The following CDH13 variants were observed in gnomAD, a reference collection of about 807,000 sequenced individuals.
The protein encoded by CDH13 is cadherin 13, also known as cadherin-13.
A neutral mutation model predicts 63.8 loss-of-function variants in CDH13; 24 were observed. That is an observed-to-expected ratio of 0.38 (90% CI 0.27 to 0.53). The LOEUF (loss-of-function observed/expected upper bound fraction) is 0.53, where lower values mean the gene tolerates loss of function less well. CDH13 is among the 20% of genes least tolerant of loss of function. The pLI is 0.85. For missense variants in CDH13, 1,049 were observed against 903.1 expected, an observed-to-expected ratio of 1.16 and a Z score of -2.07; for synonymous variants, 503 against 355.3, an observed-to-expected ratio of 1.42 and a Z score of -4.67.
chr16:83,495,576 G>GT (rs879703468), intron 7 of CDH13, among the ~76,000 whole-genome samples: 1 of 152,146 alleles, frequency 6.6e-6, no homozygotes, highest in Admixed American at 6.6e-5. Flanking sequence ...ACAAAATATA[G>GT]TTTTTTTCCC....
rs186183629 is a variant in CDH13, at chr16:83,225,793, T to C, written c.636+8296T>C. Among the ~76,000 whole-genome samples the C allele has an allele frequency of 3.1e-3, 478 of 152,314 alleles. 6 individuals carry two copies. Among genetic ancestry groups the C allele is most frequent in the African/African-American group, 0.011 (446 of 41,552 alleles). On this transcript the variant is annotated intron_variant, in intron 5 of 13. Coordinates refer to ENST00000567109, the MANE Select transcript of CDH13 (RefSeq NM_001257.5). ...TAAAATTCTCCAAGTTTTTCCATTG[T>C]GAAGCCAAGTTTGAGAAACTGTTGT...
Position 82,929,651 on chromosome 16 carries a change from C to CAAAAAAAAAAAAAAAAAAAAAAAAA in CDH13, c.157+71186_157+71210dup, listed in dbSNP as rs71146097. On this transcript the variant is annotated intron_variant, in intron 2 of 13. Transcript: ENST00000567109. ...TGGGGGACAGAGTGAGACTCCATCT[C>CAAAAAAAAAAAAAAAAAAAAAAAAA]AAAAAAAAAAAAAAAAAAAAAAAAA... 1.1e-4 allele frequency among the ~76,000 whole-genome samples: 5 copies of CAAAAAAAAAAAAAAAAAAAAAAAAA among 44,280 alleles called. 1 individual carries two copies. Among genetic ancestry groups the CAAAAAAAAAAAAAAAAAAAAAAAAA allele is most frequent in the African/African-American group, 4.3e-4 (3 of 6,958 alleles). 29.0% of individuals were successfully genotyped at this position (44,280 alleles called of 152,430 possible).
intron 6 of CDH13, among the ~76,000 whole-genome samples, chr16:83,353,652 G>T (rs912115862): frequency 6.6e-6 from 1 of 152,228 alleles, no homozygotes; most frequent in Non-Finnish European, 1.5e-5. Context: ...CTGGAGATCA[G>T]CTCAAGAGAT....
chr16:82,793,894 G>A (rs1429632993), intron 1 of CDH13, among the ~76,000 whole-genome samples: 1 of 152,118 alleles, frequency 6.6e-6, no homozygotes, highest in Non-Finnish European at 1.5e-5. Flanking sequence ...GGGACAGGCT[G>A]GGGCAGTAGG....
chr16:83,285,985 T>C (rs889726), intron 5 of CDH13, among the ~76,000 whole-genome samples: 151,462 of 152,302 alleles, frequency 0.99, 75,324 homozygotes, highest in Non-Finnish European at 1. Context: ...CACTTTCTGT[T>C]CCAGGTTTCA....
At chr16:83,066,785 A>C (rs764423990) in intron 3 of CDH13, among the ~76,000 whole-genome samples, 2 of 152,274 alleles carry the variant, frequency 1.3e-5, no homozygotes, top group African/African-American at 4.8e-5. Context: ...CTCAAAGTCC[A>C]CATGGTCAGC....
At chr16:82,990,183 A>G (rs1240160735) in intron 2 of CDH13, 1 of 152,300 alleles carries the variant, frequency 6.6e-6, no homozygotes, top group South Asian at 2.1e-4. Context: ...GCCAACTGCC[A>G]ATCATTCTAG....
intron 6 of CDH13, among the ~76,000 whole-genome samples, chr16:83,461,589 C>A (rs991169091): frequency 6.6e-6 from 1 of 152,152 alleles, no homozygotes; most frequent in Non-Finnish European, 1.5e-5. Context: ...TCAAAAGGAG[C>A]CTTCTGTACA....
chr16:83,437,121 G>C (rs1390902936), intron 6 of CDH13, among the ~76,000 whole-genome samples: 1 of 151,982 alleles, frequency 6.6e-6, no homozygotes, highest in Non-Finnish European at 1.5e-5. Context: ...TTATGGATTT[G>C]ATTCTGACAT....
chr16:83,390,393 G>A (rs571902439), intron 6 of CDH13, among the ~76,000 whole-genome samples: 5 of 152,162 alleles, frequency 3.3e-5, no homozygotes, highest in East Asian at 1.9e-4. Flanking sequence ...GTTAAGTCCC[G>A]GGGCCCTGGA....
At chr16:83,591,062 C>T (rs983097383) in intron 7 of CDH13, among the ~76,000 whole-genome samples, 1 of 152,020 alleles carries the variant, frequency 6.6e-6, no homozygotes, top group Non-Finnish European at 1.5e-5. Flanking sequence ...AGGCACCTGC[C>T]ACCACACCCA....
intron 2 of CDH13, among the ~76,000 whole-genome samples, chr16:83,011,373 A>C (rs1914135607): frequency 6.6e-6 from 1 of 152,220 alleles, no homozygotes; most frequent in African/African-American, 2.4e-5. Context: ...AATATAAACC[A>C]GACCTCATGA....
chr16:83,482,646 C>G (rs912821960), intron 6 of CDH13, among the ~76,000 whole-genome samples: 1 of 152,206 alleles, frequency 6.6e-6, no homozygotes, highest in Admixed American at 6.5e-5. Flanking sequence ...CTGGCAAGAG[C>G]CAAGCATTGC....
chr16:83,345,197 C>T (rs771053223), intron 6 of CDH13, among the ~76,000 whole-genome samples, 191 bp downstream of exon 6: 1 of 152,188 alleles, frequency 6.6e-6, no homozygotes, highest in South Asian at 2.1e-4. Flanking sequence ...TTGCAAGCTA[C>T]GGAAATCTCT....
At chr16:82,885,597 G>T (rs527628452) in intron 2 of CDH13, among the ~76,000 whole-genome samples, 51 of 151,902 alleles carry the variant, frequency 3.4e-4, no homozygotes, top group African/African-American at 4.8e-4. Context: ...CTATCCATCT[G>T]TCCTTCTACC....
intron 2 of CDH13, among the ~76,000 whole-genome samples, chr16:82,924,931 GA>G (rs1260506079): frequency 6.7e-6 from 1 of 150,102 alleles, no homozygotes. Context: ...ATACATGCCT[GA>G]AAAAAAAATA....
chr16:83,680,309 C>T (rs1915301551), intron 10 of CDH13, among the ~76,000 whole-genome samples: 1 of 152,176 alleles, frequency 6.6e-6, no homozygotes, highest in Admixed American at 6.5e-5. Flanking sequence ...GCTCCAGGCA[C>T]CTTGGCTAGT....
intron 1 of CDH13, chr16:82,823,786 A>G (rs536054774): frequency 1.3e-5 from 2 of 152,180 alleles, no homozygotes; most frequent in African/African-American, 2.4e-5. Flanking sequence ...GAGGAAGAAG[A>G]TGCAGATATA....
At chr16:83,144,667 ATC>A (rs1353718414) in intron 4 of CDH13, among the ~76,000 whole-genome samples, 1 of 152,230 alleles carries the variant, frequency 6.6e-6, no homozygotes, top group African/African-American at 2.4e-5. Context: ...CAGACCAGCT[ATC>A]TCTCTATTTT....
Sources: allele counts gnomAD v4.1 joint callset (sites outside exome capture counted in the v4.1 genomes callset), GRCh38; gene constraint gnomAD v4.1.1; transcripts MANE v1.5; gene names NCBI Gene and HGNC (gene_info 2026-07-23, HGNC 2026-07-21).